KIDINS220: variants seen among roughly 807,000 people sequenced by gnomAD.
KIDINS220 encodes the protein kinase D-interacting substrate of 220 kDa.
A neutral mutation model predicts 157.6 loss-of-function variants in KIDINS220; 63 were observed. The observed-to-expected ratio is 0.40, with a 90% CI of 0.33 to 0.49. KIDINS220 has a LOEUF of 0.49. Among genes scored for constraint, KIDINS220 ranks in the 20% least tolerant of loss-of-function variants. The pLI, the probability that KIDINS220 is intolerant of heterozygous loss-of-function variation, is 0.66. For missense variants in KIDINS220, 1,772 were observed against 2,171.2 expected, an observed-to-expected ratio of 0.82 and a Z score of 3.65; for synonymous variants, 732 against 783.6, an observed-to-expected ratio of 0.93 and a Z score of 1.10.
intron 22 of KIDINS220, among the ~76,000 whole-genome samples, chr2:8,765,508 A>G (rs1221220485): frequency 1.3e-5 from 2 of 152,222 alleles, no homozygotes; most frequent in African/African-American, 4.8e-5. Flanking sequence ...AATAAAGAAT[A>G]AAACGATCCT....
At chr2:8,789,159 C>A (rs1173323050) in intron 14 of KIDINS220, among the ~76,000 whole-genome samples, 1 of 144,296 alleles carries the variant, frequency 6.9e-6, no homozygotes, top group South Asian at 2.2e-4. Context: ...AAGACACCCC[C>A]AAGAATAGGG....
At chr2:8,754,902 T>A (rs191711128) in intron 22 of KIDINS220, among the ~76,000 whole-genome samples, 59 of 152,386 alleles carry the variant, frequency 3.9e-4, no homozygotes, top group Admixed American at 1.3e-3. Context: ...ACAATTTGTT[T>A]AAAAATTTAA....
At chr2:8,744,363 CAAAAA>C (rs547083543) in intron 26 of KIDINS220, among the ~76,000 whole-genome samples, 114 of 9,234 alleles carry the variant, frequency 0.012, no homozygotes, top group Non-Finnish European at 0.016. Context: ...TTCCTCATGG[CAAAAA>C]AAAAAAAAAA....
chr2:8,836,727 G>A (rs1680455972), intron 1 of KIDINS220, among the ~76,000 whole-genome samples: 1 of 152,180 alleles, frequency 6.6e-6, no homozygotes, highest in South Asian at 2.1e-4. Context: ...GGACAGGAAC[G>A]AACCTGAAGG....
At chr2:8,732,842 T>A (rs1030921867) in intron 29 of KIDINS220, among the ~76,000 whole-genome samples, 2 of 152,144 alleles carry the variant, frequency 1.3e-5, no homozygotes, top group Non-Finnish European at 2.9e-5. Context: ...CACACCCTGC[T>A]CTGCTTTTCC....
intron 2 of KIDINS220, among the ~76,000 whole-genome samples, chr2:8,824,750 T>C (rs935113291): frequency 6.6e-6 from 1 of 152,098 alleles, no homozygotes; most frequent in African/African-American, 2.4e-5. Context: ...TTATTCACAA[T>C]AGCCAAGGGA....
intron 18 of KIDINS220, 47 bp from the exon 19 acceptor site, chr2:8,779,186 CA>C: frequency 6.3e-7 from 1 of 1,592,912 alleles, no homozygotes; most frequent in East Asian, 2.2e-5. Flanking sequence ...TTAAATTGTC[CA>C]AAAGAATAAG....
chr2:8,824,745 CACAAT>C (rs1678491956), intron 2 of KIDINS220, among the ~76,000 whole-genome samples: 1 of 152,130 alleles, frequency 6.6e-6, no homozygotes, highest in South Asian at 2.1e-4. Context: ...CAGCATTATT[CACAAT>C]AGCCAAGGGA....
chr2:8,751,503 A>G lies in KIDINS220; in HGVS notation c.3153T>C (p.Thr1051=). The G allele has an allele frequency of 6.2e-7, 1 of 1,612,876 alleles. No homozygotes were observed. Among genetic ancestry groups the G allele is most frequent in the Non-Finnish European group, 8.5e-7 (1 of 1,179,746 alleles). ...CCCGTAGTTTGGGATCTAGGTTTAC[A>G]GTGCATGGCAAAAAGACTTTTACAT... ...ARDVKVFLPC[T]VNLDPKLREI... The change falls in exon 23 of 30, where the codon ACT becomes ACC. Residue 1051 remains threonine (T), a synonymous_variant. Transcript: ENST00000256707.
intron 12 of KIDINS220, among the ~76,000 whole-genome samples, chr2:8,792,489 T>C (rs1673329139): frequency 6.6e-6 from 1 of 152,236 alleles, no homozygotes; most frequent in Non-Finnish European, 1.5e-5. Context: ...TATTACACAT[T>C]ATCTAAGCCA....
chr2:8,763,253 C>T (rs1208706059), intron 22 of KIDINS220, among the ~76,000 whole-genome samples: 3 of 152,226 alleles, frequency 2.0e-5, no homozygotes, highest in Non-Finnish European at 4.4e-5. Context: ...TAGGTAACTC[C>T]TGCTCTCTGC....
Position 8,776,829 on chromosome 2 carries a change from T to C in KIDINS220, c.2767A>G (p.Lys923Glu), listed in dbSNP as rs768912242. 1.2e-6 allele frequency: 2 copies of C among 1,613,978 alleles called. No homozygotes were observed. Among genetic ancestry groups the C allele is most frequent in the Admixed American group, 1.7e-5 (1 of 60,002 alleles). The change falls in exon 21 of 30, where the codon AAA becomes GAA. Residue 923 changes from lysine (K) to glutamate (E), a missense_variant. Lys to Glu is a moderately conservative substitution (Grantham distance 56). Around this residue, in one of 3 missense-constraint regions of KIDINS220, gnomAD observed 725 missense variants for 1,017.1 expected, o/e 0.71. Coordinates refer to ENST00000256707, the MANE Select transcript of KIDINS220 (RefSeq NM_020738.4). ...ITRQMSFDLT[K>E]LLVTEDWFSD... ...AACCAGTCCTCGGTAACCAGCAGTT[T>C]TGTAAGATCAAAGGACATCTGGCGA...
chr2:8,831,837 G>A (rs1040454600), intron 1 of KIDINS220, among the ~76,000 whole-genome samples: 1 of 152,092 alleles, frequency 6.6e-6, no homozygotes, highest in African/African-American at 2.4e-5. Flanking sequence ...CATCAAACAA[G>A]GTCACTCTGT....
At chr2:8,797,780 G>T (rs1674170937) in intron 10 of KIDINS220, among the ~76,000 whole-genome samples, 1 of 152,174 alleles carries the variant, frequency 6.6e-6, no homozygotes, top group Non-Finnish European at 1.5e-5. Context: ...AAAGTAGCTA[G>T]TCTGGGGAAC....
At chr2:8,811,449 T>G (rs1394125667) in intron 6 of KIDINS220, among the ~76,000 whole-genome samples, 5 of 152,120 alleles carry the variant, frequency 3.3e-5, no homozygotes, top group Non-Finnish European at 7.4e-5. Context: ...TAAGGAGACT[T>G]AACAAAGAAG....
intron 26 of KIDINS220, among the ~76,000 whole-genome samples, chr2:8,743,023 A>C (rs1230010895): frequency 1.3e-5 from 2 of 152,200 alleles, no homozygotes; most frequent in African/African-American, 4.8e-5. Context: ...CATGCCACTG[A>C]GGAGACCTGG....
intron 2 of KIDINS220, among the ~76,000 whole-genome samples, chr2:8,824,919 G>A (rs1354674002): frequency 2.0e-5 from 3 of 152,136 alleles, no homozygotes; most frequent in African/African-American, 7.2e-5. Flanking sequence ...AAATAAGCCA[G>A]TGACAAAAAG....
intron 6 of KIDINS220, among the ~76,000 whole-genome samples, chr2:8,808,994 A>G (rs1675901426): frequency 6.9e-6 from 1 of 145,464 alleles, no homozygotes; most frequent in African/African-American, 2.6e-5. Context: ...CTCCAGATCT[A>G]TGTATCTTTT....
At position 8,768,988 on chromosome 2, in the gene KIDINS220, T is replaced by C. The variant is rs369138450; in HGVS notation, c.3011+1682A>G. Among the ~76,000 whole-genome samples, 41 of 152,286 alleles carry C rather than the reference T, an allele frequency of 2.7e-4. No individual in the cohort carries two copies. The East Asian group carries it at 4.2e-3, about 16-fold the overall frequency. ...TAGTTGCAGGCATTTAAGACTTAAA[T>C]ATACCTATTTCACCAGGAAGAGAAG... On this transcript the variant is annotated intron_variant, in intron 22 of 29. Coordinates refer to ENST00000256707, the MANE Select transcript of KIDINS220 (RefSeq NM_020738.4).
Sources: gnomAD v4.1 joint callset for allele counts (sites outside exome capture counted in the v4.1 genomes callset) on GRCh38, gnomAD v4.1.1 for gene constraint, gnomAD v4.1.1 regional missense constraint, MANE v1.5 for transcripts, NCBI Gene and HGNC (gene_info 2026-07-23, HGNC 2026-07-21) for gene names.